The following CFAP58 variants were observed in gnomAD, a reference collection of about 807,000 sequenced individuals.
CFAP58 encodes the protein cilia- and flagella-associated protein 58.
A neutral mutation model predicts 119.5 loss-of-function variants in CFAP58; 88 were observed. The observed-to-expected ratio is 0.74, with a 90% CI of 0.62 to 0.88. The LOEUF is 0.88. Ranked by LOEUF, CFAP58 falls within the 40% of genes least tolerant of loss-of-function variation. The pLI, the probability that CFAP58 is intolerant of heterozygous loss-of-function variation, is 0.00. For synonymous variants in CFAP58, 365 were observed against 366.3 expected, an observed-to-expected ratio of 1.00 and a Z score of 0.04; for missense variants, 990 against 1,021.2, an observed-to-expected ratio of 0.97 and a Z score of 0.42.
chr10:104,407,759 C>T (rs1287821618), intron 15 of CFAP58, among the ~76,000 whole-genome samples: 1 of 152,150 alleles, frequency 6.6e-6, no homozygotes, highest in African/African-American at 2.4e-5. Context: ...TGCAGTGGCG[C>T]CATCTCGGTT....
intron 11 of CFAP58, among the ~76,000 whole-genome samples, chr10:104,399,153 T>C (rs569405503): frequency 1.8e-3 from 266 of 149,890 alleles, no homozygotes; most frequent in African/African-American, 6.3e-3. Flanking sequence ...ATGACTGTAA[T>C]GTGCATTGCT....
intron 9 of CFAP58, among the ~76,000 whole-genome samples, chr10:104,390,179 A>C (rs190911492): frequency 3.1e-4 from 47 of 152,336 alleles, no homozygotes; most frequent in African/African-American, 1.0e-3. Flanking sequence ...ACATACAAAA[A>C]TGTTTCCTGT....
Position 104,416,334 on chromosome 10 carries a change from A to T in CFAP58, c.2256+9541A>T, listed in dbSNP as rs559845224. On this transcript the variant is annotated intron_variant, in intron 15 of 17. Transcript: ENST00000369704. The stretch of plus-strand genomic sequence containing the variant: ...GAAATTGTCACATGCATTCTTTTAC[A>T]TTCACCTAGAGGCCTAGGTAAGGGG... Among the ~76,000 whole-genome samples, 13 of 152,284 alleles carry T rather than the reference A, an allele frequency of 8.5e-5. No homozygotes were observed. In the South Asian group the frequency reaches 2.7e-3, roughly 32 times the overall value.
chr10:104,404,736 A>G (rs530887715), intron 14 of CFAP58, among the ~76,000 whole-genome samples: 11 of 152,204 alleles, frequency 7.2e-5, no homozygotes, highest in African/African-American at 2.4e-4. Flanking sequence ...CAGCCTCCCA[A>G]GTAGCTGGGA....
In CFAP58 at chr10:104,380,195, A is replaced by G; in HGVS notation, c.1340A>G (p.Asn447Ser). The G allele has an allele frequency of 6.2e-7, 1 of 1,613,960 alleles. No homozygotes were observed. The highest frequency in any genetic ancestry group is 2.2e-5 in the East Asian group (1 of 44,882). ...GAAAAGGAGCGTGACCGGTACATCA[A>G]CCAAGCCAGTGACCTTACGCAAAAG... ...HLEKERDRYI[N>S]QASDLTQKVL... The change falls in exon 9 of 18, where the codon AAC becomes AGC. Residue 447 changes from asparagine (N) to serine (S), a missense_variant. Coordinates refer to ENST00000369704, the MANE Select transcript of CFAP58 (RefSeq NM_001008723.2).
In CFAP58 at chr10:104,447,809, C is replaced by T. The variant is rs375204137; in HGVS notation, c.2368C>T (p.Gln790Ter). ...YRRTLHDKKQQLKVLSSELNM... is the reference protein window; with the variant it reads ...YRRTLHDKKQ ...ACGCACGCTGCATGACAAGAAGCAG[C>T]AGCTGAAAGTAAGTGGTAGCCCCTG... is the stretch of plus-strand genomic sequence containing the variant. Residue 790 changes from glutamine to a stop codon, truncating the protein, a stop_gained, in exon 16 of 18, where the codon CAG becomes TAG. Coordinates refer to ENST00000369704, the MANE Select transcript of CFAP58 (RefSeq NM_001008723.2). LOFTEE classifies it high-confidence loss of function. The T allele has an allele frequency of 3.7e-6, 6 of 1,612,420 alleles. No homozygotes were observed. The highest frequency in any genetic ancestry group is 5.1e-6 in the Non-Finnish European group (6 of 1,179,084).
In CFAP58 at chr10:104,454,785, C is replaced by G. The variant is rs1162713587; in HGVS notation, c.*255C>G. On this transcript the variant is annotated 3_prime_UTR_variant, in exon 18 of 18. Coordinates refer to ENST00000369704, the MANE Select transcript of CFAP58 (RefSeq NM_001008723.2). ...ATGAAGCAAATCTTTTGTTGCTACC[C>G]CATTGATTGAAATGTACTAGACCTT... 2.4e-6 allele frequency: 1 copy of G among 420,500 alleles called. No homozygotes were observed. The highest frequency in any genetic ancestry group is 4.2e-6 in the Non-Finnish European group (1 of 236,326). 26.0% of individuals were successfully genotyped at this position (420,500 alleles called of 1,614,324 possible). A position where few individuals can be genotyped will look rare whatever the true frequency, so the allele number is the denominator to read the frequency against.
At chr10:104,452,450 GATTA>G (rs1249842800) in intron 17 of CFAP58, among the ~76,000 whole-genome samples, 2 of 152,172 alleles carry the variant, frequency 1.3e-5, no homozygotes, top group Non-Finnish European at 2.9e-5. Context: ...TTCTAGAGCT[GATTA>G]ATTTTCTTGC....
chr10:104,356,721 G>A (rs150152965), intron 1 of CFAP58, among the ~76,000 whole-genome samples: 3 of 151,946 alleles, frequency 2.0e-5, no homozygotes, highest in East Asian at 1.9e-4. Flanking sequence ...CTTTCTGTGG[G>A]TTCATAGAGA....
At chr10:104,437,985 T>C (rs944781267) in intron 15 of CFAP58, among the ~76,000 whole-genome samples, 1 of 152,170 alleles carries the variant, frequency 6.6e-6, no homozygotes, top group African/African-American at 2.4e-5. Context: ...ATACTATATG[T>C]GAACAGGCAT....
chr10:104,369,316 T>A (rs1415012632), intron 6 of CFAP58, among the ~76,000 whole-genome samples: 1 of 152,222 alleles, frequency 6.6e-6, no homozygotes, highest in Non-Finnish European at 1.5e-5. Context: ...AATATACACA[T>A]GCACACACTT....
chr10:104,450,036 A>G lies in CFAP58; in HGVS notation c.2377-35A>G, dbSNP rs1453544623. 3.2e-6 allele frequency: 5 copies of G among 1,577,282 alleles called. No individual in the cohort carries two copies. The African/African-American group carries it at 5.5e-5, about 17-fold the overall frequency. ...AAGATTTCTCAGAAAAGGATATTGT[A>G]TCTTTTGTTAATGCTGCTTTATTTG... On this transcript the variant is annotated intron_variant, in intron 16 of 17. Transcript: ENST00000369704.
At position 104,383,156 on chromosome 10, in the gene CFAP58, T is replaced by G. The variant is rs1179581868; in HGVS notation, c.1365+2936T>G. ...CCTTTCTCTGCATGGCACATTCCTA[T>G]TCACCCTTCGAGACCTAACTCAAAT... is the stretch of plus-strand genomic sequence containing the variant. On this transcript the variant is annotated intron_variant, in intron 9 of 17. Transcript: ENST00000369704. Among the ~76,000 whole-genome samples, 9 of 152,210 alleles carry G rather than the reference T, an allele frequency of 5.9e-5. No homozygotes were observed. The East Asian group carries it at 1.5e-3, about 26-fold the overall frequency.
intron 14 of CFAP58, 71 bp from the exon 15 acceptor site, chr10:104,406,618 A>G (rs908693873): frequency 5.8e-6 from 7 of 1,212,966 alleles, no homozygotes; most frequent in Admixed American, 1.9e-5. Context: ...GACAATGTGC[A>G]TTTTACATAG....
intron 8 of CFAP58, 32 bp from the exon 9 acceptor site, chr10:104,379,997 G>A (rs1476030512): frequency 6.3e-7 from 1 of 1,582,180 alleles, no homozygotes; most frequent in Non-Finnish European, 8.6e-7. Flanking sequence ...AACATTATGA[G>A]TAATGTGACT....
At chr10:104,436,655 C>T (rs137856709) in intron 15 of CFAP58, among the ~76,000 whole-genome samples, 127 of 152,268 alleles carry the variant, frequency 8.3e-4, no homozygotes, top group Non-Finnish European at 1.7e-3. Flanking sequence ...GGATCCACCA[C>T]CAGGACCCAA....
the CFAP58 span, among the ~76,000 whole-genome samples, chr10:104,348,816 G>A: frequency 2.6e-5 from 4 of 152,188 alleles, no homozygotes; most frequent in African/African-American, 9.7e-5. Context: ...AGATGTCATG[G>A]TTCACTGGGC....
At chr10:104,362,323 G>C (rs2014679065) in intron 3 of CFAP58, 152 bp downstream of exon 3, 1 of 664,730 alleles carries the variant, frequency 1.5e-6, no homozygotes, top group African/African-American at 1.8e-5. Context: ...TCTGTCTGTT[G>C]CATTTTAAGT....
At chr10:104,439,295 A>T (rs1323829769) in intron 15 of CFAP58, among the ~76,000 whole-genome samples, 1 of 152,178 alleles carries the variant, frequency 6.6e-6, no homozygotes, top group African/African-American at 2.4e-5. Flanking sequence ...TTTCTTTTGT[A>T]TGATTTTTAC....
Sources: allele counts gnomAD v4.1 joint callset (sites outside exome capture counted in the v4.1 genomes callset), GRCh38; gene constraint gnomAD v4.1.1; transcripts MANE v1.5; gene names NCBI Gene and HGNC (gene_info 2026-07-23, HGNC 2026-07-21).